The following KCNH7 variants were observed in gnomAD, a reference collection of about 807,000 sequenced individuals.
The protein encoded by KCNH7 is potassium voltage-gated channel subfamily H member 7.
KCNH7 carries 49 observed loss-of-function variants against 120.8 expected under a neutral mutation model. The observed-to-expected ratio is 0.41, with a 90% confidence interval of 0.32 to 0.51. The LOEUF is 0.51. Ranked by LOEUF, KCNH7 falls within the 20% of genes least tolerant of loss-of-function variation. The pLI is 0.38. For missense variants in KCNH7, 1,097 were observed against 1,446.6 expected, an observed-to-expected ratio of 0.76 and a Z score of 3.92; for synonymous variants, 547 against 516.1, an observed-to-expected ratio of 1.06 and a Z score of -0.81.
intron 2 of KCNH7, among the ~76,000 whole-genome samples, chr2:162,759,493 C>A (rs1455939042): frequency 6.6e-6 from 1 of 152,084 alleles, no homozygotes; most frequent in East Asian, 1.9e-4. Context: ...CAAGGTTTCT[C>A]AGCCCAATTT....
intron 2 of KCNH7, among the ~76,000 whole-genome samples, chr2:162,560,914 T>C (rs1693039546): frequency 1.3e-5 from 2 of 152,212 alleles, no homozygotes; most frequent in South Asian, 4.1e-4. Context: ...TTCACTCTTC[T>C]TGAAATAACA....
intron 9 of KCNH7, among the ~76,000 whole-genome samples, chr2:162,401,416 G>A (rs769524574): frequency 1.3e-5 from 2 of 151,794 alleles, no homozygotes; most frequent in Non-Finnish European, 2.9e-5. Flanking sequence ...GCATTATATA[G>A]TGCAATTTAC....
At chr2:162,564,178 C>T (rs1693167867) in intron 2 of KCNH7, among the ~76,000 whole-genome samples, 1 of 151,542 alleles carries the variant, frequency 6.6e-6, no homozygotes, top group Non-Finnish European at 1.5e-5. Flanking sequence ...CCTGTTTTTC[C>T]ATCTCTATTT....
chr2:162,485,815 G>A (rs777690202), intron 6 of KCNH7, among the ~76,000 whole-genome samples: 10 of 152,240 alleles, frequency 6.6e-5, no homozygotes, highest in African/African-American at 9.6e-5. Flanking sequence ...TTATCACCCC[G>A]AAACAGGATG....
chr2:162,807,273 A>AAC (rs1553531734), intron 2 of KCNH7, among the ~76,000 whole-genome samples: 15 of 51,296 alleles, frequency 2.9e-4, no homozygotes, highest in Admixed American at 1.5e-3. Context: ...AAAAAAAAAA[A>AAC]AAAAAAAAAA....
intron 2 of KCNH7, among the ~76,000 whole-genome samples, chr2:162,588,141 G>A (rs1195856867): frequency 1.3e-5 from 2 of 152,018 alleles, no homozygotes; most frequent in Admixed American, 6.6e-5. Flanking sequence ...AACCTACCAT[G>A]AGAAAAGAGG....
intron 2 of KCNH7, among the ~76,000 whole-genome samples, chr2:162,546,618 T>C (rs963666007): frequency 6.6e-6 from 1 of 152,182 alleles, no homozygotes; most frequent in Non-Finnish European, 1.5e-5. Context: ...ACATGCCTGG[T>C]GTGCCCATGA....
chr2:162,653,021 A>T (rs1486744072), intron 2 of KCNH7, among the ~76,000 whole-genome samples: 1 of 152,144 alleles, frequency 6.6e-6, no homozygotes, highest in Non-Finnish European at 1.5e-5. Context: ...TCTAATCCTC[A>T]TGGAAACCCA....
chr2:162,712,870 G>A lies in KCNH7; in HGVS notation c.307+123667C>T, dbSNP rs1476832879. On this transcript the variant is annotated intron_variant, in intron 2 of 15. Transcript: ENST00000332142. ...TTCTTCTTACTTCATTTAAAGTAAA[G>A]GGAAAAAGTGTTTACATTTGATTGT... Among the ~76,000 whole-genome samples, 4 of 152,172 alleles carry A rather than the reference G, an allele frequency of 2.6e-5. 1 individual carries two copies. The highest frequency in any genetic ancestry group is 4.4e-5 in the Non-Finnish European group (3 of 68,032).
At chr2:162,517,566 G>A (rs1011172926) in intron 4 of KCNH7, among the ~76,000 whole-genome samples, 164 bp downstream of exon 4, 5 of 151,844 alleles carry the variant, frequency 3.3e-5, no homozygotes, top group Admixed American at 2.6e-4. Context: ...GTTCAAAGAG[G>A]AAATCAGTAA....
intron 2 of KCNH7, among the ~76,000 whole-genome samples, chr2:162,757,955 C>A (rs1346482949): frequency 6.6e-6 from 1 of 152,118 alleles, no homozygotes; most frequent in Non-Finnish European, 1.5e-5. Flanking sequence ...TGTACTTGGG[C>A]AGAACCAAAG....
intron 7 of KCNH7, among the ~76,000 whole-genome samples, chr2:162,438,924 A>T (rs1038722183): frequency 1.3e-5 from 2 of 152,152 alleles, no homozygotes; most frequent in Non-Finnish European, 2.9e-5. Context: ...AGATTTAATA[A>T]TTATTAATCT....
At chr2:162,799,949 T>TACACACACACACAC (rs3052920) in intron 2 of KCNH7, among the ~76,000 whole-genome samples, 14 of 146,422 alleles carry the variant, frequency 9.6e-5, no homozygotes, top group African/African-American at 3.2e-4. Flanking sequence ...TTTACACACA[T>TACACACACACACAC]ACACACACAC....
At chr2:162,810,158 G>A (rs1684688630) in intron 2 of KCNH7, among the ~76,000 whole-genome samples, 1 of 20,336 alleles carries the variant, frequency 4.9e-5, no homozygotes, top group African/African-American at 1.2e-4. Flanking sequence ...CTCGTGATCC[G>A]CCCGCCTCGG....
At chr2:162,622,976 A>G (rs559655138) in intron 2 of KCNH7, among the ~76,000 whole-genome samples, 9 of 152,252 alleles carry the variant, frequency 5.9e-5, no homozygotes, top group East Asian at 3.9e-4. Flanking sequence ...TATGAACCTA[A>G]TTAGCCCAAA....
At chr2:162,395,378 A>G (rs1286038329) in intron 11 of KCNH7, among the ~76,000 whole-genome samples, 1 of 151,762 alleles carries the variant, frequency 6.6e-6, no homozygotes, top group Non-Finnish European at 1.5e-5. Flanking sequence ...AAATTTCACA[A>G]CAATAAATAT....
intron 2 of KCNH7, among the ~76,000 whole-genome samples, chr2:162,634,667 C>T (rs1443896661): frequency 6.6e-6 from 1 of 151,966 alleles, no homozygotes; most frequent in Non-Finnish European, 1.5e-5. Flanking sequence ...AGTGCAAGTC[C>T]AGCAGGTCTG....
intron 2 of KCNH7, among the ~76,000 whole-genome samples, chr2:162,600,799 T>C (rs1694526075): frequency 1.3e-5 from 2 of 151,994 alleles, no homozygotes; most frequent in South Asian, 4.1e-4. Flanking sequence ...AACTGTAAAA[T>C]GGAAATTTGC....
At chr2:162,669,894 G>C (rs1443389107) in intron 2 of KCNH7, among the ~76,000 whole-genome samples, 2 of 152,084 alleles carry the variant, frequency 1.3e-5, no homozygotes, top group Middle Eastern at 3.2e-3. Context: ...GAGGTCAGGA[G>C]TTCAAGAGCA....
Sources: gnomAD v4.1 joint callset for allele counts (sites outside exome capture counted in the v4.1 genomes callset) on GRCh38, gnomAD v4.1.1 for gene constraint, MANE v1.5 for transcripts, NCBI Gene and HGNC (gene_info 2026-07-23, HGNC 2026-07-21) for gene names.